The following CCDC126 variants were observed in gnomAD, a reference collection of about 807,000 sequenced individuals.
The protein encoded by CCDC126 is coiled-coil domain-containing protein 126.
Under a neutral mutation model 11.7 loss-of-function variants are expected in CCDC126, and 5 were observed. The observed-to-expected ratio is 0.43, with a 90% CI of 0.22 to 0.90. The LOEUF is 0.90. CCDC126 is among the 40% of genes least tolerant of loss of function. CCDC126 has a pLI of 0.27. For synonymous variants in CCDC126, 60 were observed against 61.9 expected (o/e 0.97, Z 0.14); for missense variants, 150 against 163.1 (o/e 0.92, Z 0.44).
intron 3 of CCDC126, among the ~76,000 whole-genome samples, chr7:23,640,901 C>T (rs1159807735): frequency 2.0e-5 from 3 of 151,510 alleles, no homozygotes; most frequent in Non-Finnish European, 4.4e-5. Flanking sequence ...TGTTGATGGA[C>T]ACTTGAGTTG....
chr7:23,618,362 T>G (rs1052375927), intron 3 of CCDC126, among the ~76,000 whole-genome samples: 4 of 152,026 alleles, frequency 2.6e-5, no homozygotes, highest in South Asian at 2.1e-4. Context: ...AACCCCCCAT[T>G]CTGGGTCTTC....
chr7:23,629,556 AT>A, intron 3 of CCDC126, among the ~76,000 whole-genome samples: 1 of 152,332 alleles, frequency 6.6e-6, no homozygotes, highest in East Asian at 1.9e-4. Context: ...TCCAAAGAGC[AT>A]TTAATGAATA....
intron 3 of CCDC126, among the ~76,000 whole-genome samples, chr7:23,630,784 G>A (rs1446033754): frequency 1.3e-5 from 2 of 149,444 alleles, no homozygotes; most frequent in South Asian, 2.1e-4. Flanking sequence ...CCTTGTTCTG[G>A]GCCATAAAAC....
At chr7:23,609,625 T>C (rs189079351) in intron 2 of CCDC126, among the ~76,000 whole-genome samples, 2 of 152,290 alleles carry the variant, frequency 1.3e-5, no homozygotes, top group East Asian at 3.9e-4. Context: ...CCCAGCACTT[T>C]GGGAGGCTGA....
chr7:23,642,789 C>T lies in CCDC126; in HGVS notation c.239-142C>T, dbSNP rs115001403. 1,104 of 617,252 alleles carry T rather than the reference C, an allele frequency of 1.8e-3. 13 individuals are homozygous for T. The African/African-American group carries it at 0.02, about 11-fold the overall frequency. The allele number at this position is 617,252 out of a possible 1,614,324, so 38.2% of individuals were successfully genotyped here. ...AAAAAAAAAAAAAATTAGGCTTTTCCTATTTGTAGTATGAGTGCATTCTCT... is the reference window on the plus strand; with the variant it reads ...AAAAAAAAAAAAAATTAGGCTTTTCTTATTTGTAGTATGAGTGCATTCTCT... On this transcript the variant is annotated intron_variant, in intron 3 of 3. Transcript: ENST00000307471.
At chr7:23,614,221 A>G (rs1456985355) in intron 3 of CCDC126, among the ~76,000 whole-genome samples, 1 of 152,258 alleles carries the variant, frequency 6.6e-6, no homozygotes, top group Non-Finnish European at 1.5e-5. Context: ...TGCCTTGTCA[A>G]TAAAGTTTAC....
chr7:23,639,686 CT>C (rs770200739), intron 3 of CCDC126, among the ~76,000 whole-genome samples: 19 of 152,140 alleles, frequency 1.2e-4, no homozygotes, highest in Admixed American at 3.3e-4. Context: ...GAGATGCACT[CT>C]TGGAAAATCT....
intron 2 of CCDC126, among the ~76,000 whole-genome samples, chr7:23,608,556 C>G (rs1299728173): frequency 6.6e-6 from 1 of 152,078 alleles, no homozygotes; most frequent in Non-Finnish European, 1.5e-5. Context: ...GATTCTTCTT[C>G]CAGTGTGGCC....
intron 3 of CCDC126, among the ~76,000 whole-genome samples, chr7:23,612,658 G>A (rs774521487): frequency 6.6e-6 from 1 of 151,990 alleles, no homozygotes; most frequent in Non-Finnish European, 1.5e-5. Context: ...AGGCAAGAGA[G>A]TGAGACCTCA....
At chr7:23,640,960 A>G (rs1783343453) in intron 3 of CCDC126, among the ~76,000 whole-genome samples, 2 of 147,038 alleles carry the variant, frequency 1.4e-5, no homozygotes, top group Admixed American at 6.8e-5. Context: ...ACATTGGTGT[A>G]TAAGTATCCC....
intron 2 of CCDC126, 63 bp from the exon 3 acceptor site, chr7:23,611,108 A>C (rs183327168): frequency 4.8e-5 from 19 of 394,240 alleles, no homozygotes; most frequent in Non-Finnish European, 7.7e-5. Flanking sequence ...TTTTCTTTAT[A>C]GTCGTCTGTT....
intron 3 of CCDC126, among the ~76,000 whole-genome samples, chr7:23,627,697 C>G (rs1261845137): frequency 6.6e-6 from 1 of 152,116 alleles, no homozygotes; most frequent in Non-Finnish European, 1.5e-5. Context: ...CTCCTGGGCT[C>G]AAGTGATCCT....
intron 3 of CCDC126, among the ~76,000 whole-genome samples, chr7:23,620,256 T>G (rs1438643484): frequency 6.6e-6 from 1 of 152,222 alleles, no homozygotes; most frequent in Non-Finnish European, 1.5e-5. Flanking sequence ...GTTTCCTGAC[T>G]TTTTAATGAT....
At chr7:23,631,260 G>A (rs1013601903) in intron 3 of CCDC126, among the ~76,000 whole-genome samples, 1 of 151,978 alleles carries the variant, frequency 6.6e-6, no homozygotes, top group African/African-American at 2.4e-5. Flanking sequence ...CTTATGATAA[G>A]ACTGAAAAAG....
intron 2 of CCDC126, among the ~76,000 whole-genome samples, chr7:23,609,815 T>C (rs922562207): frequency 9.9e-5 from 15 of 152,160 alleles, no homozygotes; most frequent in Non-Finnish European, 1.9e-4. Flanking sequence ...TGAGCTGAGA[T>C]TGCACCACTG....
chr7:23,611,332 C>G lies in CCDC126; in HGVS notation c.17C>G (p.Ser6Ter), dbSNP rs1236600401. Residue 6 changes from serine to a stop codon, truncating the protein, a stop_gained, in exon 3 of 4, where the codon TCA (serine) becomes TGA (stop). Transcript: ENST00000307471. LOFTEE classifies it high-confidence loss of function. ...TCTTCAGAAATGTTTTTTACAATCT[C>G]AAGAAAAAATATGTCCCAGAAATTG... MFFTI[S>*]RKNMSQKLSL... The G allele has an allele frequency of 1.9e-6, 3 of 1,608,988 alleles. No homozygotes were observed. The highest frequency in any genetic ancestry group is 2.5e-6 in the Non-Finnish European group (3 of 1,176,680).
intron 3 of CCDC126, among the ~76,000 whole-genome samples, chr7:23,638,726 TTAA>T (rs533243830): frequency 2.6e-5 from 1 of 39,210 alleles, no homozygotes; most frequent in African/African-American, 1.4e-4. Flanking sequence ...AAAAAAAAAA[TTAA>T]AAAAAAAAAA....
At chr7:23,601,298 T>A (rs1055161021) in intron 2 of CCDC126, among the ~76,000 whole-genome samples, 1 of 152,026 alleles carries the variant, frequency 6.6e-6, no homozygotes, top group African/African-American at 2.4e-5. Context: ...GGGGCAAGGG[T>A]GGGGGCCTCT....
intron 2 of CCDC126, among the ~76,000 whole-genome samples, chr7:23,604,997 CAAAA>C (rs35137744): frequency 3.2e-5 from 3 of 92,620 alleles, no homozygotes; most frequent in Non-Finnish European, 4.5e-5. Flanking sequence ...GACTTCGTCT[CAAAA>C]AAAAAAAAAA....
Sources: allele counts gnomAD v4.1 joint callset (sites outside exome capture counted in the v4.1 genomes callset), GRCh38; gene constraint gnomAD v4.1.1; transcripts MANE v1.5; gene names NCBI Gene and HGNC (gene_info 2026-07-23, HGNC 2026-07-21).